The following FIGN variants were observed in gnomAD, a reference collection of about 807,000 sequenced individuals.
FIGN encodes fidgetin.
A neutral mutation model predicts 51.3 loss-of-function variants in FIGN; 11 were observed. The observed-to-expected ratio is 0.21, with a 90% CI of 0.13 to 0.35. The LOEUF (loss-of-function observed/expected upper bound fraction) is 0.35. FIGN is among the 10% of genes least tolerant of loss of function. The pLI is 1.00. For synonymous variants in FIGN, 407 were observed against 363.2 expected (o/e 1.12, Z -1.37); for missense variants, 857 against 943.6 (o/e 0.91, Z 1.20).
At chr2:163,677,348 A>T (rs72867795) in intron 2 of FIGN, among the ~76,000 whole-genome samples, 29,880 of 152,090 alleles carry the variant, frequency 0.2, 3,242 homozygotes, top group East Asian at 0.39. Flanking sequence ...AAATACCTTA[A>T]CCCCACTGAC....
intron 2 of FIGN, among the ~76,000 whole-genome samples, chr2:163,656,543 T>G (rs375135268): frequency 6.6e-6 from 1 of 152,118 alleles, no homozygotes; most frequent in Non-Finnish European, 1.5e-5. Flanking sequence ...ACTTCTGTTG[T>G]ATGCCATGCC....
chr2:163,678,333 G>A (rs527853326), intron 2 of FIGN, among the ~76,000 whole-genome samples: 9 of 152,050 alleles, frequency 5.9e-5, no homozygotes, highest in South Asian at 2.1e-4. Flanking sequence ...TGATTCTCCC[G>A]CCTCAGCCTC....
At chr2:163,694,879 T>C (rs574054292) in intron 2 of FIGN, among the ~76,000 whole-genome samples, 100 of 152,228 alleles carry the variant, frequency 6.6e-4, no homozygotes, top group Non-Finnish European at 1.0e-3. Flanking sequence ...ACTTCAACTT[T>C]TGGGCCCAAG....
At chr2:163,648,757 T>C (rs1683422559) in intron 2 of FIGN, among the ~76,000 whole-genome samples, 1 of 152,214 alleles carries the variant, frequency 6.6e-6, no homozygotes, top group Non-Finnish European at 1.5e-5. Flanking sequence ...AAATCAATCA[T>C]CAGTGCTCCC....
chr2:163,630,578 T>C (rs1017878134), intron 2 of FIGN, among the ~76,000 whole-genome samples: 1 of 151,618 alleles, frequency 6.6e-6, no homozygotes, highest in African/African-American at 2.4e-5. Context: ...GTGGACAACC[T>C]TTCTATTGCT....
chr2:163,729,980 G>C (rs1392003877), intron 2 of FIGN, among the ~76,000 whole-genome samples: 1 of 152,140 alleles, frequency 6.6e-6, no homozygotes, highest in Non-Finnish European at 1.5e-5. Context: ...CTCATGTTTT[G>C]ATGGTTTCTG....
At chr2:163,655,804 C>CACAGAG (rs374458554) in intron 2 of FIGN, among the ~76,000 whole-genome samples, 6,526 of 145,712 alleles carry the variant, frequency 0.045, 438 homozygotes, top group African/African-American at 0.15. Flanking sequence ...CACACACACA[C>CACAGAG]AGAGAGAGAG....
intron 2 of FIGN, among the ~76,000 whole-genome samples, chr2:163,696,364 GA>G (rs200708398): frequency 0.016 from 2,453 of 152,182 alleles, 84 homozygotes; most frequent in African/African-American, 0.055. Context: ...AAACAGACTA[GA>G]AAAAAGTAAA....
At chr2:163,705,388 T>G (rs1216285811) in intron 2 of FIGN, among the ~76,000 whole-genome samples, 2 of 152,126 alleles carry the variant, frequency 1.3e-5, no homozygotes, top group Admixed American at 6.6e-5. Context: ...CTCATAGTGT[T>G]TTGGAGCTGA....
intron 2 of FIGN, among the ~76,000 whole-genome samples, chr2:163,649,210 G>C (rs1218397692): frequency 6.6e-6 from 1 of 152,138 alleles, no homozygotes. Context: ...CAAAGAATTA[G>C]AAAACCATTA....
intron 2 of FIGN, among the ~76,000 whole-genome samples, chr2:163,695,722 A>C (rs1016585122): frequency 3.3e-5 from 5 of 152,236 alleles, no homozygotes; most frequent in African/African-American, 1.2e-4. Context: ...TTACTTGTTC[A>C]CAAGTCTGTT....
intron 2 of FIGN, among the ~76,000 whole-genome samples, chr2:163,645,769 A>G (rs1683372840): frequency 6.6e-6 from 1 of 152,176 alleles, no homozygotes; most frequent in Non-Finnish European, 1.5e-5. Flanking sequence ...ATGAGGTCTG[A>G]GTCATACCGA....
chr2:163,656,779 T>C (rs1683564643), intron 2 of FIGN, among the ~76,000 whole-genome samples: 1 of 152,172 alleles, frequency 6.6e-6, no homozygotes, highest in Admixed American at 6.5e-5. Flanking sequence ...AGTTAGATTG[T>C]CAAGAGCTGC....
chr2:163,652,958 C>T (rs905879142), intron 2 of FIGN, among the ~76,000 whole-genome samples: 1 of 152,146 alleles, frequency 6.6e-6, no homozygotes, highest in Non-Finnish European at 1.5e-5. Context: ...ACTCATTCAA[C>T]ATCCTTAAAA....
rs780920220 is a variant in FIGN at position 163,610,628 on chromosome 2, G to C, written c.1204C>G (p.Pro402Ala). ...SSQSSRALTP[P>A]SYSTAKNSLG... is the part of the protein sequence containing the mutation. ...GAATTTTTAGCAGTACTGTAGGAAG[G>C]AGGGGTCAGAGCCCTACTGGACTGG... The change falls in exon 3 of 3, where the codon CCT becomes GCT. Residue 402 changes from proline to alanine, a missense_variant. This residue lies in a region of FIGN where 799 missense variants were observed against 849.5 expected (regional missense o/e 0.94). Coordinates refer to ENST00000333129, the MANE Select transcript of FIGN (RefSeq NM_018086.4). 38 of 1,614,076 alleles carry C rather than the reference G, an allele frequency of 2.4e-5. No homozygotes were observed. Among genetic ancestry groups the C allele is most frequent in the Non-Finnish European group, 2.9e-5 (34 of 1,180,036 alleles).
chr2:163,658,948 C>T (rs1683607475), intron 2 of FIGN, among the ~76,000 whole-genome samples: 1 of 152,102 alleles, frequency 6.6e-6, no homozygotes, highest in Non-Finnish European at 1.5e-5. Context: ...GAACCTTCAT[C>T]CAACAACTCC....
chr2:163,670,689 C>T (rs1357993503), intron 2 of FIGN, among the ~76,000 whole-genome samples: 1 of 152,196 alleles, frequency 6.6e-6, no homozygotes, highest in Non-Finnish European at 1.5e-5. Context: ...AGTTAACATA[C>T]TTGTCACCTC....
rs546065088 is a variant in FIGN at position 163,623,833 on chromosome 2, T to C, written c.26-12027A>G. Among the ~76,000 whole-genome samples, 40 of 152,270 alleles carry C rather than the reference T, an allele frequency of 2.6e-4. 1 individual carries two copies. The South Asian group carries it at 7.7e-3, about 29-fold the overall frequency. On this transcript the variant is annotated intron_variant, in intron 2 of 2. Transcript: ENST00000333129. ...CTTCTACACCCAGCCATTGTTTTCATATTTTACTTTAGAAATTATTTTATC... is the reference window on the plus strand; with the variant it reads ...CTTCTACACCCAGCCATTGTTTTCACATTTTACTTTAGAAATTATTTTATC...
At position 163,603,458 on chromosome 2, in the gene FIGN, C is replaced by T. The variant is rs1691018257; in HGVS notation, c.*6094G>A. 6.6e-6 allele frequency: 1 copy of T among 151,978 alleles called. No individual in the cohort carries two copies. Among genetic ancestry groups the T allele is most frequent in the Non-Finnish European group, 1.5e-5 (1 of 67,958 alleles). The allele number at this position is 151,978 out of a possible 1,614,324, so 9.4% of individuals were successfully genotyped here. A position where few individuals can be genotyped will look rare whatever the true frequency, so the allele number is the denominator to read the frequency against. On this transcript the variant is annotated 3_prime_UTR_variant, in exon 3 of 3. Coordinates refer to ENST00000333129, the MANE Select transcript of FIGN (RefSeq NM_018086.4). Reference sequence around the variant, plus strand: ...TTTTTCTTTTTTTAAATTTCTGTCTCAGACAAGTACTGTTGGCTGACAAGA... The same window carrying T: ...TTTTTCTTTTTTTAAATTTCTGTCTTAGACAAGTACTGTTGGCTGACAAGA...
Sources: allele counts gnomAD v4.1 joint callset (sites outside exome capture counted in the v4.1 genomes callset), GRCh38; gene constraint gnomAD v4.1.1; regional missense constraint gnomAD v4.1.1; transcripts MANE v1.5; gene names NCBI Gene and HGNC (gene_info 2026-07-23, HGNC 2026-07-21).